Variants in SYNPR observed in about 807,000 individuals in gnomAD.
SYNPR encodes synaptoporin.
In SYNPR, 23 loss-of-function variants were observed where a neutral mutation model predicts 32.9. The observed-to-expected ratio is 0.70, with a 90% CI of 0.50 to 0.99. The LOEUF is 0.99. SYNPR is among the 50% of genes least tolerant of loss of function. The probability of loss-of-function intolerance (pLI) is 0.00; values close to 1 mark genes in which losing one functional copy is unlikely to be tolerated. For synonymous variants in SYNPR, 146 were observed against 135.9 expected (o/e 1.07, Z -0.52); for missense variants, 318 against 349.3 (o/e 0.91, Z 0.71).
intron 2 of SYNPR, among the ~76,000 whole-genome samples, chr3:63,374,686 C>T (rs998761733): frequency 2.0e-5 from 3 of 152,132 alleles, no homozygotes; most frequent in East Asian, 1.9e-4. Flanking sequence ...CAGTTACATA[C>T]ATATGATATT....
intron 2 of SYNPR, among the ~76,000 whole-genome samples, chr3:63,287,555 A>G (rs777773790): frequency 6.6e-6 from 1 of 152,192 alleles, no homozygotes; most frequent in East Asian, 1.9e-4. Context: ...TTTCTAACAC[A>G]GTGCTTAACA....
chr3:63,421,568 C>A (rs2107131776), intron 2 of SYNPR, among the ~76,000 whole-genome samples: 1 of 152,118 alleles, frequency 6.6e-6, no homozygotes, highest in Non-Finnish European at 1.5e-5. Context: ...GAAAACAGAT[C>A]AGTTGTTGCC....
rs75718993 is a variant in SYNPR, at chr3:63,465,283, T to C, written c.85-15549T>C. Among the ~76,000 whole-genome samples, 1,276 of 152,164 alleles carry C rather than the reference T, an allele frequency of 8.4e-3. 57 individuals are homozygous for C. In the East Asian group the frequency reaches 0.13, roughly 16 times the overall value. On this transcript the variant is annotated intron_variant, in intron 2 of 5. Transcript: ENST00000478300. Reference sequence around the variant, plus strand: ...CCTTAGCACAATCAATAAAAGATTATTAACAAAGAAAATTTTGTTAAAGAA... The same window carrying C: ...CCTTAGCACAATCAATAAAAGATTACTAACAAAGAAAATTTTGTTAAAGAA...
At chr3:63,207,318 G>A in the SYNPR span, among the ~76,000 whole-genome samples, 2 of 152,126 alleles carry the variant, frequency 1.3e-5, no homozygotes, top group African/African-American at 2.4e-5. Context: ...AAAGCATTCT[G>A]GCATGATTTC....
intron 2 of SYNPR, among the ~76,000 whole-genome samples, chr3:63,331,576 A>C (rs2087229918): frequency 6.6e-6 from 1 of 152,106 alleles, no homozygotes; most frequent in South Asian, 2.1e-4. Flanking sequence ...TCATTCCACC[A>C]AGACCACTCT....
intron 2 of SYNPR, among the ~76,000 whole-genome samples, chr3:63,265,327 A>T (rs190349981): frequency 6.9e-6 from 1 of 145,562 alleles, no homozygotes; most frequent in East Asian, 2.1e-4. Flanking sequence ...TCTTGGCTCA[A>T]TGCAAACTCC....
chr3:63,260,372 G>T (rs1369399575), intron 2 of SYNPR, among the ~76,000 whole-genome samples: 1 of 152,068 alleles, frequency 6.6e-6, no homozygotes, highest in East Asian at 1.9e-4. Flanking sequence ...CCAAAACAGA[G>T]ATATAGACCA....
intron 2 of SYNPR, among the ~76,000 whole-genome samples, chr3:63,412,056 T>G (rs1575631138): frequency 6.9e-6 from 1 of 145,002 alleles, no homozygotes; most frequent in South Asian, 2.3e-4. Flanking sequence ...TGAAGAGGAG[T>G]AGAGTAGATT....
intron 4 of SYNPR, among the ~76,000 whole-genome samples, chr3:63,605,768 A>G (rs187308879): frequency 7.9e-5 from 12 of 152,346 alleles, no homozygotes; most frequent in Admixed American, 3.3e-4. Context: ...AAGAAAGAAG[A>G]AGGAGCCATG....
chr3:63,293,955 T>C (rs2106933683), intron 2 of SYNPR, among the ~76,000 whole-genome samples: 1 of 152,302 alleles, frequency 6.6e-6, no homozygotes, highest in East Asian at 1.9e-4. Context: ...ATCTTCGGAG[T>C]ACCCAATTTA....
chr3:63,280,017 A>C (rs997389819), intron 2 of SYNPR, among the ~76,000 whole-genome samples: 8 of 152,188 alleles, frequency 5.3e-5, no homozygotes, highest in African/African-American at 1.9e-4. Context: ...TTCTGCCCGC[A>C]TTCATTCATT....
At chr3:63,397,138 A>G (rs1354736989) in intron 2 of SYNPR, among the ~76,000 whole-genome samples, 2 of 151,974 alleles carry the variant, frequency 1.3e-5, no homozygotes, top group African/African-American at 4.8e-5. Flanking sequence ...CACATTAAAA[A>G]TATGGTGATG....
At chr3:63,508,990 C>T (rs540639647) in intron 3 of SYNPR, among the ~76,000 whole-genome samples, 13 of 152,066 alleles carry the variant, frequency 8.5e-5, no homozygotes, top group Admixed American at 2.6e-4. Flanking sequence ...AGACTTTTAA[C>T]AAATAGGAAA....
intron 3 of SYNPR, among the ~76,000 whole-genome samples, chr3:63,490,755 G>A (rs1701243681): frequency 6.6e-6 from 1 of 151,892 alleles, no homozygotes; most frequent in African/African-American, 2.4e-5. Context: ...TAGGTTTTTT[G>A]TTTTTTGGGT....
intron 2 of SYNPR, among the ~76,000 whole-genome samples, chr3:63,264,333 A>G (rs956671075): frequency 6.6e-6 from 1 of 152,208 alleles, no homozygotes; most frequent in Non-Finnish European, 1.5e-5. Context: ...TCGGTGATGA[A>G]TATGATGCCT....
intron 2 of SYNPR, among the ~76,000 whole-genome samples, chr3:63,365,444 T>A (rs1366613670): frequency 6.6e-6 from 1 of 152,148 alleles, no homozygotes; most frequent in East Asian, 1.9e-4. Flanking sequence ...ATTGCTATGA[T>A]CTGTTTTACA....
intron 2 of SYNPR, among the ~76,000 whole-genome samples, chr3:63,365,743 T>C (rs1486820723): frequency 1.3e-5 from 2 of 152,194 alleles, no homozygotes; most frequent in African/African-American, 4.8e-5. Flanking sequence ...GATATATATT[T>C]TTTCTAAGGC....
rs1041576232 is a variant in SYNPR, at chr3:63,480,780, G to A, written c.85-52G>A. 8.1e-6 allele frequency: 13 copies of A among 1,599,042 alleles called. No homozygotes were observed. The African/African-American group carries it at 1.6e-4, about 20-fold the overall frequency. On this transcript the variant is annotated intron_variant, in intron 2 of 5. Transcript: ENST00000478300. ...AAGCTCCTTTTGATATATCTCATTA[G>A]AGCAACATCATCCTAATAACTGCCT...
chr3:63,323,391 A>G (rs1560192136), intron 2 of SYNPR, among the ~76,000 whole-genome samples: 1 of 152,086 alleles, frequency 6.6e-6, no homozygotes, highest in African/African-American at 2.4e-5. Context: ...ACTGGATGAA[A>G]TTTATTCAAT....
Sources: gnomAD v4.1 joint callset for allele counts (sites outside exome capture counted in the v4.1 genomes callset) on GRCh38, gnomAD v4.1.1 for gene constraint, MANE v1.5 for transcripts, NCBI Gene and HGNC (gene_info 2026-07-23, HGNC 2026-07-21) for gene names.